The following TMEM242 variants were observed in gnomAD, a reference collection of about 807,000 sequenced individuals.
The protein encoded by TMEM242 is transmembrane protein 242.
TMEM242 carries 10 observed loss-of-function variants against 18.2 expected under a neutral mutation model. The ratio of observed to expected loss-of-function variants is 0.55; its 90% CI spans 0.34 to 0.93. The LOEUF is 0.93. Among genes scored for constraint, TMEM242 ranks in the 40% least tolerant of loss-of-function variants. TMEM242 has a pLI of 0.02. For synonymous variants in TMEM242, 57 were observed against 69.9 expected (o/e 0.81, Z 0.92); for missense variants, 186 against 175.5 (o/e 1.06, Z -0.34).
At chr6:157,320,948 A>C (rs1778485555) in intron 2 of TMEM242, among the ~76,000 whole-genome samples, 2 of 151,774 alleles carry the variant, frequency 1.3e-5, no homozygotes, top group South Asian at 4.2e-4. Context: ...TAGAGAAAAA[A>C]TCCTACTTCA....
intron 2 of TMEM242, among the ~76,000 whole-genome samples, chr6:157,320,276 C>T (rs1287704252): frequency 6.6e-6 from 1 of 151,974 alleles, no homozygotes; most frequent in African/African-American, 2.4e-5. Flanking sequence ...GCCCTAAAGA[C>T]TTTCAATTAA....
rs1156692726 is a variant in TMEM242, at chr6:157,312,241, T to C, written c.327+6541A>G. Among the ~76,000 whole-genome samples, 56 of 81,590 alleles carry C rather than the reference T, an allele frequency of 6.9e-4. 1 individual carries two copies. Among genetic ancestry groups the C allele is most frequent in the Admixed American group, 1.7e-3 (14 of 8,084 alleles). 53.5% of individuals were successfully genotyped at this position (81,590 alleles called of 152,430 possible). A position where few individuals can be genotyped will look rare whatever the true frequency, so the allele number is the denominator to read the frequency against. ...ATCATAGTGCCCCAGTGTACACTCA[T>C]CTAGCCTTATCATAGTTTCCCAGTG... On this transcript the variant is annotated intron_variant, in intron 3 of 3. Coordinates refer to ENST00000400788, the MANE Select transcript of TMEM242 (RefSeq NM_018452.6).
At chr6:157,311,350 G>GCACGCATA (rs1562382923) in intron 3 of TMEM242, among the ~76,000 whole-genome samples, 7 of 133,792 alleles carry the variant, frequency 5.2e-5, no homozygotes, top group African/African-American at 8.3e-5. Context: ...GTCCCAGTGT[G>GCACGCATA]CGCTCACCTA....
In TMEM242 at chr6:157,316,496, A is replaced by C. The variant is rs113841310; in HGVS notation, c.327+2286T>G. On this transcript the variant is annotated intron_variant, in intron 3 of 3. Transcript: ENST00000400788. ...GAGGTTAACAGCAAAAATCATGAAA[A>C]ATCTTCAGTCACAGGTTTTCTGTCT... 7.7e-3 allele frequency among the ~76,000 whole-genome samples: 1,172 copies of C among 152,308 alleles called. 17 individuals carry two copies. The highest frequency in any genetic ancestry group is 0.027 in the African/African-American group (1,124 of 41,548).
In TMEM242 at chr6:157,289,471, A is replaced by G. The variant is rs1219779966; in HGVS notation, c.*3430T>C. 3.9e-5 allele frequency: 6 copies of G among 152,208 alleles called. No individual in the cohort carries two copies. The highest frequency in any genetic ancestry group is 8.8e-5 in the Non-Finnish European group (6 of 68,040). 9.4% of individuals were successfully genotyped at this position (152,208 alleles called of 1,614,324 possible). A position where few individuals can be genotyped will look rare whatever the true frequency, so the allele number is the denominator to read the frequency against. On this transcript the variant is annotated 3_prime_UTR_variant, in exon 4 of 4. Transcript: ENST00000400788. The stretch of plus-strand genomic sequence containing the variant: ...TATTATAAAAATATGTATTTTACTA[A>G]CTTTCATAGGAAATTTAACTATTTG...
At chr6:157,311,399 C>T (rs1554248775) in intron 3 of TMEM242, among the ~76,000 whole-genome samples, 1 of 89,382 alleles carries the variant, frequency 1.1e-5, no homozygotes, top group Non-Finnish European at 2.4e-5. Flanking sequence ...CACCTAGCCT[C>T]ATCATAGTGT....
chr6:157,295,789 G>A (rs937725210), intron 3 of TMEM242, among the ~76,000 whole-genome samples: 2 of 152,172 alleles, frequency 1.3e-5, no homozygotes, highest in African/African-American at 4.8e-5. Flanking sequence ...TGAGATGAGG[G>A]AAAGGAACGG....
chr6:157,310,483 C>T (rs149183328), intron 3 of TMEM242, among the ~76,000 whole-genome samples: 1 of 19,934 alleles, frequency 5.0e-5, no homozygotes, highest in African/African-American at 1.8e-4. Flanking sequence ...TGTGTGCTCA[C>T]CTAGCCTCAT....
At position 157,292,778 on chromosome 6, in the gene TMEM242, C is replaced by T. The variant is rs1777700839; in HGVS notation, c.*123G>A. 2.7e-6 allele frequency: 2 copies of T among 749,286 alleles called. No homozygotes were observed. Among genetic ancestry groups the T allele is most frequent in the Non-Finnish European group, 2.3e-6 (1 of 437,224 alleles). The allele number at this position is 749,286 out of a possible 1,614,324, so 46.4% of individuals were successfully genotyped here. A position where few individuals can be genotyped will look rare whatever the true frequency, so the allele number is the denominator to read the frequency against. ...ATGAGGCTGAATGCTATCCAGTGCA[C>T]TGGTTCAGTCAGCAATCTGCCCATG... is the stretch of plus-strand genomic sequence containing the variant. On this transcript the variant is annotated 3_prime_UTR_variant, in exon 4 of 4. Coordinates refer to ENST00000400788, the MANE Select transcript of TMEM242 (RefSeq NM_018452.6).
intron 3 of TMEM242, chr6:157,300,004 G>C: frequency 7.9e-7 from 1 of 1,263,186 alleles, no homozygotes; most frequent in South Asian, 1.2e-5. Flanking sequence ...TCTTCACGGG[G>C]GTGAAGAGCC....
chr6:157,295,239 C>A lies in TMEM242; in HGVS notation c.328-2240G>T, dbSNP rs587753024. ...CATCTCAGTGTTCTGGACCCAGACA[C>A]TAATCTTGAAGACACACAGCTCATG... On this transcript the variant is annotated intron_variant, in intron 3 of 3. Transcript: ENST00000400788. Among the ~76,000 whole-genome samples the A allele has an allele frequency of 2.3e-4, 35 of 152,344 alleles. No individual in the cohort carries two copies. In the South Asian group the frequency reaches 7.0e-3, roughly 31 times the overall value.
chr6:157,314,752 T>G (rs973694567), intron 3 of TMEM242, among the ~76,000 whole-genome samples: 7 of 152,258 alleles, frequency 4.6e-5, no homozygotes, highest in African/African-American at 1.7e-4. Context: ...GCATTCTATG[T>G]GAAATGAAAT....
At chr6:157,319,001 C>T in intron 2 of TMEM242, 82 bp from the exon 3 acceptor site, 1 of 1,403,798 alleles carries the variant, frequency 7.1e-7, no homozygotes, top group South Asian at 1.6e-5. Context: ...AAATTCCTCT[C>T]TGTGCAAACA....
chr6:157,313,128 A>G (rs868980334), intron 3 of TMEM242, among the ~76,000 whole-genome samples: 3,728 of 147,752 alleles, frequency 0.025, 40 homozygotes, highest in Admixed American at 0.036. Context: ...ACCCGGCCTC[A>G]TCATAGTGTC....
At chr6:157,304,694 T>C (rs1554247794) in intron 3 of TMEM242, among the ~76,000 whole-genome samples, 6 of 152,224 alleles carry the variant, frequency 3.9e-5, no homozygotes, top group Admixed American at 2.6e-4. Flanking sequence ...CAATGGTCAA[T>C]ATCATCTCGT....
chr6:157,323,196 C>G (rs1373302333), intron 1 of TMEM242, among the ~76,000 whole-genome samples: 1 of 152,180 alleles, frequency 6.6e-6, no homozygotes, highest in African/African-American at 2.4e-5. Context: ...GGGAGAATAG[C>G]TCGCGGGATC....
intron 3 of TMEM242, among the ~76,000 whole-genome samples, chr6:157,317,766 A>T (rs1453523416): frequency 6.6e-6 from 1 of 152,170 alleles, no homozygotes; most frequent in African/African-American, 2.4e-5. Flanking sequence ...CCCATCCTTC[A>T]GTTGCTCAGG....
intron 3 of TMEM242, among the ~76,000 whole-genome samples, chr6:157,313,059 C>T (rs1554249592): frequency 6.6e-5 from 10 of 151,444 alleles, no homozygotes; most frequent in East Asian, 3.9e-4. Context: ...CACCTGGCCT[C>T]ATCATAGGGT....
chr6:157,314,910 C>T (rs1196089905), intron 3 of TMEM242, among the ~76,000 whole-genome samples: 1 of 152,238 alleles, frequency 6.6e-6, no homozygotes, highest in East Asian at 1.9e-4. Context: ...TTTCATCAAG[C>T]TGCTCTAGGT....
Sources: allele counts gnomAD v4.1 joint callset (sites outside exome capture counted in the v4.1 genomes callset), GRCh38; gene constraint gnomAD v4.1.1; transcripts MANE v1.5; gene names NCBI Gene and HGNC (gene_info 2026-07-23, HGNC 2026-07-21).